Variants in LRP1B observed in about 807,000 individuals in gnomAD.
The protein encoded by LRP1B is low-density lipoprotein receptor-related protein 1B.
LRP1B carries 217 observed loss-of-function variants against 556.6 expected under a neutral mutation model. The ratio of observed to expected loss-of-function variants is 0.39; its 90% CI spans 0.35 to 0.44. LRP1B has a LOEUF of 0.44. LRP1B is among the 20% of genes least tolerant of loss of function. The probability of loss-of-function intolerance (pLI) is 1.00; values close to 1 mark genes in which losing one functional copy is unlikely to be tolerated. For missense variants in LRP1B, 5,053 were observed against 5,620.8 expected (o/e 0.90, Z 3.23); for synonymous variants, 2,047 against 1,865.8 (o/e 1.10, Z -2.50).
Position 140,770,903 on chromosome 2 carries a change from T to C in LRP1B, c.5604A>G (p.Gln1868=). 4 of 1,556,472 alleles carry C rather than the reference T, an allele frequency of 2.6e-6. No individual in the cohort carries two copies. Among genetic ancestry groups the C allele is most frequent in the East Asian group, 2.5e-5 (1 of 40,616 alleles). ...TACCTTGACATGACATACGGTTCTTTTGGAGATAATATCCCACTGTACACA... is the reference window on the plus strand; with the variant it reads ...TACCTTGACATGACATACGGTTCTTCTGGAGATAATATCCCACTGTACACA... ...TCMCTVGYYL[Q]KNRMSCQGIE... The change falls in exon 34 of 91, where the codon CAA becomes CAG. Residue 1868 remains glutamine (Q), a synonymous_variant. Transcript: ENST00000389484.
intron 6 of LRP1B, among the ~76,000 whole-genome samples, chr2:141,224,767 T>C (rs1683179269): frequency 6.6e-6 from 1 of 151,268 alleles, no homozygotes; most frequent in Non-Finnish European, 1.5e-5. Flanking sequence ...AGCTGAACAA[T>C]GAGAACACAT....
At chr2:141,765,179 A>G (rs1359611816) in intron 2 of LRP1B, among the ~76,000 whole-genome samples, 1 of 152,224 alleles carries the variant, frequency 6.6e-6, no homozygotes, top group Non-Finnish European at 1.5e-5. Context: ...ATAACCTGAG[A>G]GAAGCAGAGA....
intron 3 of LRP1B, among the ~76,000 whole-genome samples, chr2:141,478,619 C>T (rs999432542): frequency 2.6e-5 from 4 of 151,726 alleles, no homozygotes; most frequent in Admixed American, 2.0e-4. Context: ...TCTTGGCTCA[C>T]TGCAACCTCT....
chr2:142,115,580 G>GTTACATATATA (rs1201566675), intron 1 of LRP1B, among the ~76,000 whole-genome samples: 2 of 26,568 alleles, frequency 7.5e-5, no homozygotes, highest in South Asian at 7.4e-4. Context: ...TATTATATAT[G>GTTACATATATA]TAATATATAT....
chr2:141,531,126 C>A (rs1446860816), intron 2 of LRP1B, among the ~76,000 whole-genome samples: 2 of 151,968 alleles, frequency 1.3e-5, no homozygotes, highest in African/African-American at 4.8e-5. Context: ...AATGTATCTG[C>A]ATTGGATAGA....
At chr2:140,345,799 C>CATATATACATAT (rs1681636303) in intron 77 of LRP1B, among the ~76,000 whole-genome samples, 1 of 136,550 alleles carries the variant, frequency 7.3e-6, no homozygotes, top group African/African-American at 2.7e-5. Flanking sequence ...CACATATATA[C>CATATATACATAT]ATATATACAC....
At chr2:141,027,501 A>G (rs1698248044) in intron 11 of LRP1B, among the ~76,000 whole-genome samples, 1 of 152,178 alleles carries the variant, frequency 6.6e-6, no homozygotes, top group African/African-American at 2.4e-5. Context: ...AAATATTAAA[A>G]GAAAACATGA....
intron 2 of LRP1B, among the ~76,000 whole-genome samples, chr2:141,684,239 G>A (rs1392988959): frequency 6.6e-6 from 1 of 152,116 alleles, no homozygotes; most frequent in Non-Finnish European, 1.5e-5. Flanking sequence ...TAAAGAAAAT[G>A]TGGCACATAT....
intron 1 of LRP1B, among the ~76,000 whole-genome samples, chr2:141,843,057 C>A (rs1483544078): frequency 1.3e-5 from 2 of 151,876 alleles, no homozygotes; most frequent in Non-Finnish European, 2.9e-5. Context: ...ACCTAGAGAC[C>A]TTTTAGTAGT....
chr2:141,124,686 A>T (rs1701156807), intron 7 of LRP1B, among the ~76,000 whole-genome samples: 1 of 151,868 alleles, frequency 6.6e-6, no homozygotes, highest in South Asian at 2.1e-4. Context: ...AAAAAGAAAA[A>T]AATACTTTAA....
rs146133856 is a variant in LRP1B, at chr2:140,452,746, G to T, written c.9964-2085C>A. ...ATACTGTTACTTTCTTCAAATAAGA[G>T]ATTATTTGATGTTGGCTTTTGCTAA... is the stretch of plus-strand genomic sequence containing the variant. On this transcript the variant is annotated intron_variant, in intron 62 of 90. Transcript: ENST00000389484. 2.0e-3 allele frequency among the ~76,000 whole-genome samples: 300 copies of T among 152,112 alleles called. 2 individuals carry two copies. The highest frequency in any genetic ancestry group is 4.1e-3 in the Admixed American group (62 of 15,282).
intron 2 of LRP1B, among the ~76,000 whole-genome samples, chr2:141,744,753 AT>A (rs1398107817): frequency 6.6e-6 from 1 of 152,074 alleles, no homozygotes; most frequent in African/African-American, 2.4e-5. Flanking sequence ...ATGCTTGTGC[AT>A]GTTCATTGTT....
intron 16 of LRP1B, among the ~76,000 whole-genome samples, chr2:140,991,640 A>G (rs1697095622): frequency 1.3e-5 from 2 of 152,132 alleles, no homozygotes; most frequent in African/African-American, 4.8e-5. Flanking sequence ...CCAAATAAGT[A>G]AGCAAATAAT....
chr2:141,091,239 C>T (rs922721937), intron 7 of LRP1B, among the ~76,000 whole-genome samples: 1 of 151,994 alleles, frequency 6.6e-6, no homozygotes, highest in Non-Finnish European at 1.5e-5. Flanking sequence ...GGCTTTTGCT[C>T]TGAATGAAAA....
intron 1 of LRP1B, among the ~76,000 whole-genome samples, chr2:142,089,394 G>A (rs1352198207): frequency 1.3e-5 from 2 of 152,170 alleles, no homozygotes; most frequent in African/African-American, 4.8e-5. Context: ...TGCAACTGAA[G>A]AGAAGCAAAA....
intron 14 of LRP1B, among the ~76,000 whole-genome samples, chr2:141,011,703 G>C (rs917877810): frequency 6.6e-6 from 1 of 151,998 alleles, no homozygotes; most frequent in African/African-American, 2.4e-5. Context: ...TTAGTAATCA[G>C]AGCTCAGTTT....
intron 1 of LRP1B, among the ~76,000 whole-genome samples, chr2:142,058,012 T>G (rs1184733808): frequency 6.6e-6 from 1 of 152,172 alleles, no homozygotes; most frequent in African/African-American, 2.4e-5. Flanking sequence ...AAAGGATGTT[T>G]GCTCTATCGA....
intron 18 of LRP1B, among the ~76,000 whole-genome samples, chr2:140,960,329 G>T (rs143145834): frequency 3.0e-4 from 46 of 151,884 alleles, no homozygotes; most frequent in Non-Finnish European, 6.3e-4. Flanking sequence ...TGGTTTCTAA[G>T]AATTCACTCT....
chr2:141,859,401 G>T (rs1012768387), intron 1 of LRP1B, among the ~76,000 whole-genome samples: 1 of 152,054 alleles, frequency 6.6e-6, no homozygotes, highest in African/African-American at 2.4e-5. Context: ...GACAAGTCAA[G>T]TTTAAATATT....
Sources: gnomAD v4.1 joint callset for allele counts (sites outside exome capture counted in the v4.1 genomes callset) on GRCh38, gnomAD v4.1.1 for gene constraint, MANE v1.5 for transcripts, NCBI Gene and HGNC (gene_info 2026-07-23, HGNC 2026-07-21) for gene names.